Variants in CADM2 observed in about 807,000 individuals in gnomAD.
CADM2 encodes the protein immunoglobulin superfamily member 4D.
A neutral mutation model predicts 49.8 loss-of-function variants in CADM2; 12 were observed. The observed-to-expected ratio is 0.24, with a 90% CI of 0.15 to 0.39. The LOEUF is 0.39. Among genes scored for constraint, CADM2 ranks in the 10% least tolerant of loss-of-function variants. The pLI is 1.00. For synonymous variants in CADM2, 214 were observed against 175.4 expected (o/e 1.22, Z -1.74); for missense variants, 378 against 492.3 (o/e 0.77, Z 2.20).
At chr3:85,599,183 C>T (rs551099524) in intron 1 of CADM2, among the ~76,000 whole-genome samples, 1 of 152,022 alleles carries the variant, frequency 6.6e-6, no homozygotes, top group East Asian at 1.9e-4. Context: ...GCAATGCAAC[C>T]TATTCATTTT....
intron 1 of CADM2, among the ~76,000 whole-genome samples, chr3:85,294,462 A>C (rs1463560196): frequency 6.6e-6 from 1 of 152,004 alleles, no homozygotes; most frequent in Non-Finnish European, 1.5e-5. Flanking sequence ...ATGGAACCAA[A>C]AAAGAGCCCA....
intron 8 of CADM2, among the ~76,000 whole-genome samples, chr3:86,003,607 T>G (rs73134176): frequency 0.011 from 1,601 of 152,332 alleles, 21 homozygotes; most frequent in Middle Eastern, 0.068. Flanking sequence ...AAAACTTATC[T>G]ATTAGTATTA....
chr3:85,732,148 C>T (rs1323175346), intron 2 of CADM2, among the ~76,000 whole-genome samples: 1 of 150,474 alleles, frequency 6.6e-6, no homozygotes, highest in African/African-American at 2.5e-5. Flanking sequence ...GTAATCCCAG[C>T]TACTTCAGAG....
chr3:85,577,984 T>TTTACTTCCTTCCTTCC (rs2062685907), intron 1 of CADM2, among the ~76,000 whole-genome samples: 1 of 134,220 alleles, frequency 7.5e-6, no homozygotes, highest in Admixed American at 7.6e-5. Flanking sequence ...TATTAATCTC[T>TTTACTTCCTTCCTTCC]TTCCTTCCTT....
At chr3:85,683,845 C>A (rs1480036886) in intron 1 of CADM2, among the ~76,000 whole-genome samples, 1 of 152,140 alleles carries the variant, frequency 6.6e-6, no homozygotes, top group Non-Finnish European at 1.5e-5. Context: ...ATGACTCCTA[C>A]AATATGACTC....
At chr3:85,798,190 T>G (rs138320914) in intron 2 of CADM2, among the ~76,000 whole-genome samples, 1 of 152,186 alleles carries the variant, frequency 6.6e-6, no homozygotes, top group Non-Finnish European at 1.5e-5. Context: ...ATGGATAGAT[T>G]GCAAAAATTT....
At chr3:85,234,161 A>G (rs771834661) in intron 1 of CADM2, among the ~76,000 whole-genome samples, 1 of 152,074 alleles carries the variant, frequency 6.6e-6, no homozygotes, top group Non-Finnish European at 1.5e-5. Flanking sequence ...CAAGGACTTG[A>G]ACTTTGATTA....
chr3:85,025,240 T>A (rs1300328954), intron 1 of CADM2, among the ~76,000 whole-genome samples: 2 of 152,174 alleles, frequency 1.3e-5, no homozygotes, highest in Non-Finnish European at 2.9e-5. Context: ...TTTTGGTTTA[T>A]ATTATTTGTA....
At chr3:86,032,162 T>C (rs1173272256) in intron 8 of CADM2, among the ~76,000 whole-genome samples, 1 of 151,784 alleles carries the variant, frequency 6.6e-6, no homozygotes, top group African/African-American at 2.4e-5. Context: ...TATAGACTCT[T>C]ATCACAGTAT....
chr3:85,905,638 G>A (rs1247283288), intron 5 of CADM2, among the ~76,000 whole-genome samples: 2 of 151,976 alleles, frequency 1.3e-5, no homozygotes, highest in Non-Finnish European at 2.9e-5. Flanking sequence ...GCAGAAGGGA[G>A]AGAAAGAATG....
At chr3:85,742,561 A>C (rs762793349) in intron 2 of CADM2, among the ~76,000 whole-genome samples, 24 of 152,232 alleles carry the variant, frequency 1.6e-4, no homozygotes, top group Non-Finnish European at 2.8e-4. Flanking sequence ...GTTTTAATTA[A>C]TATTATTTGA....
chr3:85,052,053 G>T (rs2035901546), intron 1 of CADM2, among the ~76,000 whole-genome samples: 1 of 152,082 alleles, frequency 6.6e-6, no homozygotes, highest in South Asian at 2.1e-4. Flanking sequence ...TCCATGCCCA[G>T]GATATGGCAT....
chr3:85,782,234 AAAT>A (rs2070695491), intron 2 of CADM2, among the ~76,000 whole-genome samples: 2 of 152,224 alleles, frequency 1.3e-5, no homozygotes, highest in African/African-American at 4.8e-5. Context: ...GGTGTTCAAT[AAAT>A]AATGTTAGAA....
At chr3:85,290,848 C>A (rs985347707) in intron 1 of CADM2, among the ~76,000 whole-genome samples, 1 of 152,188 alleles carries the variant, frequency 6.6e-6, no homozygotes, top group Non-Finnish European at 1.5e-5. Flanking sequence ...AAAAACAGAA[C>A]AGAAAAACTG....
At chr3:85,113,912 C>A (rs562590657) in intron 1 of CADM2, among the ~76,000 whole-genome samples, 35 of 152,036 alleles carry the variant, frequency 2.3e-4, no homozygotes, top group African/African-American at 8.0e-4. Context: ...AGTGTGATGG[C>A]AAGAGAAGAA....
At chr3:85,869,042 G>T (rs2075822399) in intron 3 of CADM2, among the ~76,000 whole-genome samples, 1 of 151,558 alleles carries the variant, frequency 6.6e-6, no homozygotes, top group Admixed American at 6.6e-5. Context: ...CTGTTTTTTT[G>T]TAGCAAATTC....
chr3:85,028,190 G>C (rs945220699), intron 1 of CADM2, among the ~76,000 whole-genome samples: 5 of 152,082 alleles, frequency 3.3e-5, no homozygotes, highest in African/African-American at 1.2e-4. Flanking sequence ...TATCAGAGAA[G>C]GTAAACAAAA....
intron 1 of CADM2, among the ~76,000 whole-genome samples, chr3:85,289,873 A>G (rs1195591955): frequency 1.3e-5 from 2 of 152,224 alleles, no homozygotes; most frequent in African/African-American, 4.8e-5. Flanking sequence ...CTTAAACATC[A>G]GGATATTAGA....
At chr3:86,038,581 G>C (rs940095170) in intron 8 of CADM2, among the ~76,000 whole-genome samples, 12 of 152,152 alleles carry the variant, frequency 7.9e-5, no homozygotes, top group African/African-American at 2.9e-4. Flanking sequence ...CATGTGCATG[G>C]CCAGCAGTTT....
Sources: gnomAD v4.1 joint callset for allele counts (sites outside exome capture counted in the v4.1 genomes callset) on GRCh38, gnomAD v4.1.1 for gene constraint, MANE v1.5 for transcripts, NCBI Gene and HGNC (gene_info 2026-07-23, HGNC 2026-07-21) for gene names.